Variants in XPNPEP1 observed in about 807,000 individuals in gnomAD.
The protein encoded by XPNPEP1 is xaa-Pro aminopeptidase 1.
In XPNPEP1, 39 loss-of-function variants were observed where a neutral mutation model predicts 92.4. The observed-to-expected ratio is 0.42, with a 90% CI of 0.33 to 0.55. XPNPEP1 has a LOEUF of 0.55. XPNPEP1 is among the 20% of genes least tolerant of loss of function. XPNPEP1 has a pLI of 0.08. For missense variants in XPNPEP1, 654 were observed against 856.1 expected (o/e 0.76, Z 2.95); for synonymous variants, 307 against 299.4 (o/e 1.03, Z -0.26).
intron 7 of XPNPEP1, 42 bp downstream of exon 7, chr10:109,888,007 A>G (rs1848490334): frequency 6.2e-7 from 1 of 1,606,358 alleles, no homozygotes; most frequent in Admixed American, 1.7e-5. Context: ...AGGTGGGGGG[A>G]CAATGGCAGG....
intron 20 of XPNPEP1, among the ~76,000 whole-genome samples, chr10:109,866,380 G>A (rs116315073): frequency 1.3e-3 from 202 of 152,278 alleles, no homozygotes; most frequent in African/African-American, 4.6e-3. Context: ...GCCCCTTCTG[G>A]GAGTCAGGGA....
In XPNPEP1 at chr10:109,884,075, C is replaced by G; in HGVS notation, c.822G>C (p.Glu274Asp). The G allele has an allele frequency of 6.2e-7, 1 of 1,613,982 alleles. No homozygotes were observed. Among genetic ancestry groups the G allele is most frequent in the Non-Finnish European group, 8.5e-7 (1 of 1,179,912 alleles). Residue 274 changes from glutamate (E) to aspartate (D), a missense_variant, in exon 9 of 21, where the codon GAG becomes GAC. Coordinates refer to ENST00000502935, the MANE Select transcript of XPNPEP1 (RefSeq NM_020383.4). ...GCAGGGCAAACACTCACATGATCGT[C>G]TCTAGTCCTATGATTGCGTAGGAGA... The part of the protein sequence containing the change: ...VFFSYAIIGL[E>D]TIMLFIDGDR...
At chr10:109,884,832 C>A (rs557629516) in intron 8 of XPNPEP1, among the ~76,000 whole-genome samples, 1 of 152,300 alleles carries the variant, frequency 6.6e-6, no homozygotes, top group African/African-American at 2.4e-5. Flanking sequence ...CAGTTCTGGT[C>A]CCAGGACTTC....
Position 109,923,198 on chromosome 10 carries a change from C to T in XPNPEP1, c.32+204G>A, listed in dbSNP as rs1024639123. 4 of 985,236 alleles carry T rather than the reference C, an allele frequency of 4.1e-6. No individual in the cohort carries two copies. The African/African-American group carries it at 7.0e-5, about 17-fold the overall frequency. The allele number at this position is 985,236 out of a possible 1,614,324, so 61.0% of individuals were successfully genotyped here. Reference sequence around the variant, plus strand: ...GGCCGCCCCGTGCCCACCGACCCTCCGGAAACGAACCGGATCTCGCCCGGC... The same window carrying T: ...GGCCGCCCCGTGCCCACCGACCCTCTGGAAACGAACCGGATCTCGCCCGGC... On this transcript the variant is annotated intron_variant, in intron 1 of 20. Transcript: ENST00000502935.
Position 109,867,412 on chromosome 10 carries a change from A to G in XPNPEP1, c.1872+1202T>C, listed in dbSNP as rs2133340758. ...AACCCACCCGGTATCAGCAAGGCCC[A>G]TGTGGGTCCTGTGAGTGGGAATGTT... On this transcript the variant is annotated intron_variant, in intron 20 of 20. Coordinates refer to ENST00000502935, the MANE Select transcript of XPNPEP1 (RefSeq NM_020383.4). This position sits in a 1 kb window ranked among gnomAD's most constrained non-coding sequence, Gnocchi z 4.5. Among the ~76,000 whole-genome samples the G allele has an allele frequency of 6.6e-6, 1 of 152,352 alleles. No homozygotes were observed. The highest frequency in any genetic ancestry group is 1.5e-5 in the Non-Finnish European group (1 of 68,028).
intron 12 of XPNPEP1, among the ~76,000 whole-genome samples, chr10:109,879,909 T>G (rs944360700): frequency 1.3e-5 from 2 of 152,210 alleles, no homozygotes; most frequent in African/African-American, 2.4e-5. Flanking sequence ...TCATTTTTCC[T>G]TATAATGAAA....
At chr10:109,884,016 G>A in intron 9 of XPNPEP1, 51 bp downstream of exon 9, 1 of 1,567,014 alleles carries the variant, frequency 6.4e-7, no homozygotes, top group Non-Finnish European at 8.7e-7. Flanking sequence ...GGGCACACTA[G>A]GGCTCTGAGG....
At chr10:109,922,892 A>C (rs541730715) in intron 1 of XPNPEP1, among the ~76,000 whole-genome samples, 1 of 152,310 alleles carries the variant, frequency 6.6e-6, no homozygotes, top group South Asian at 2.1e-4. Context: ...AGCCTCTGAA[A>C]CCATTTGGGT....
At chr10:109,870,672 G>A (rs567123528) in intron 18 of XPNPEP1, 59 bp downstream of exon 18, 31 of 1,528,296 alleles carry the variant, frequency 2.0e-5, no homozygotes, top group African/African-American at 7.0e-5. Flanking sequence ...ACAAAACAAC[G>A]AATAGCTTTC....
chr10:109,917,435 G>A (rs1850253861), intron 1 of XPNPEP1, among the ~76,000 whole-genome samples: 1 of 152,120 alleles, frequency 6.6e-6, no homozygotes, highest in Non-Finnish European at 1.5e-5. Flanking sequence ...AGTGCAAAAT[G>A]TACACCACAA....
At chr10:109,906,582 C>A (rs749582989) in intron 3 of XPNPEP1, among the ~76,000 whole-genome samples, 1 of 152,266 alleles carries the variant, frequency 6.6e-6, no homozygotes, top group Middle Eastern at 3.4e-3. Context: ...GCCCTTGAAT[C>A]CTTATAAAGC....
chr10:109,885,341 T>C (rs191092267), intron 8 of XPNPEP1, among the ~76,000 whole-genome samples: 18 of 152,354 alleles, frequency 1.2e-4, no homozygotes, highest in African/African-American at 3.8e-4. Context: ...ATGCATAGAA[T>C]ATTGACACTG....
chr10:109,912,999 T>A (rs1243205448), intron 2 of XPNPEP1, among the ~76,000 whole-genome samples: 1 of 152,220 alleles, frequency 6.6e-6, no homozygotes, highest in Non-Finnish European at 1.5e-5. Context: ...ATCCTATGAC[T>A]TTTCAGAAAT....
chr10:109,907,740 A>C lies in XPNPEP1; in HGVS notation c.197T>G (p.Val66Gly). 2 of 1,614,252 alleles carry C rather than the reference A, an allele frequency of 1.2e-6. No individual in the cohort carries two copies. The highest frequency in any genetic ancestry group is 1.7e-6 in the Non-Finnish European group (2 of 1,180,048). The change falls in exon 3 of 21, where the codon GTG (valine) becomes GGG (glycine). Residue 66 changes from valine (V) to glycine (G), a missense_variant. Physicochemically the swap from Val to Gly is moderately radical, Grantham distance 109 (BLOSUM62 -3). Coordinates refer to ENST00000502935, the MANE Select transcript of XPNPEP1 (RefSeq NM_020383.4). ...LRQAMRNSEY[V>G]TEPIQAYIIP... ...GATGTAGGCCTGGATCGGTTCGGTC[A>C]CATACTCAGAGTTCCTCATGGCTTG...
chr10:109,909,635 G>A (rs1849753539), intron 2 of XPNPEP1, among the ~76,000 whole-genome samples: 1 of 152,120 alleles, frequency 6.6e-6, no homozygotes, highest in Admixed American at 6.5e-5. Context: ...AAACATCATA[G>A]CTGTAGTCCT....
intron 14 of XPNPEP1, chr10:109,877,550 C>G (rs1298769162): frequency 1.9e-6 from 1 of 539,726 alleles, no homozygotes; most frequent in Admixed American, 3.1e-5. Flanking sequence ...GGACACCCAT[C>G]TGACTACCCT....
chr10:109,894,579 C>T (rs1387619571), intron 3 of XPNPEP1, among the ~76,000 whole-genome samples: 2 of 150,732 alleles, frequency 1.3e-5, no homozygotes, highest in African/African-American at 4.9e-5. Flanking sequence ...AGGACTGCCT[C>T]TTTCACCAAG....
Position 109,915,003 on chromosome 10 carries a change from A to T in XPNPEP1, c.121+8T>A. On this transcript the variant is annotated splice_region_variant and intron_variant, in intron 2 of 20. Coordinates refer to ENST00000502935, the MANE Select transcript of XPNPEP1 (RefSeq NM_020383.4). Reference sequence around the variant, plus strand: ...ATGTTCCATCTAATTTCCAGACAAAATTATTACCTGTTTCCACACCTGTGT... The same window carrying T: ...ATGTTCCATCTAATTTCCAGACAAATTTATTACCTGTTTCCACACCTGTGT... 1 of 1,507,590 alleles carries T rather than the reference A, an allele frequency of 6.6e-7. No individual in the cohort carries two copies. The highest frequency in any genetic ancestry group is 1.3e-5 in the South Asian group (1 of 79,266). The allele number at this position is 1,507,590 out of a possible 1,614,324, so 93.4% of individuals were successfully genotyped here.
intron 2 of XPNPEP1, among the ~76,000 whole-genome samples, chr10:109,914,485 T>C (rs1241706549): frequency 6.7e-6 from 1 of 149,484 alleles, no homozygotes; most frequent in East Asian, 1.9e-4. Context: ...TGTAATTCTC[T>C]AACTTACTAC....
Sources: gnomAD v4.1 joint callset for allele counts (sites outside exome capture counted in the v4.1 genomes callset) on GRCh38, gnomAD v4.1.1 for gene constraint, Gnocchi (gnomAD v3.1) non-coding constraint, MANE v1.5 for transcripts, NCBI Gene and HGNC (gene_info 2026-07-23, HGNC 2026-07-21) for gene names.